Variants in TMEM135 observed in about 807,000 individuals in gnomAD.
The protein encoded by TMEM135 is peroxisomal membrane protein 52.
TMEM135 carries 30 observed loss-of-function variants against 60.3 expected under a neutral mutation model. The ratio of observed to expected loss-of-function variants is 0.50; its 90% CI spans 0.37 to 0.68. The LOEUF is 0.68. Among genes scored for constraint, TMEM135 ranks in the 30% least tolerant of loss-of-function variants. TMEM135 has a pLI of 0.00. For missense variants in TMEM135, 468 were observed against 548.8 expected (o/e 0.85, Z 1.47); for synonymous variants, 190 against 186.7 (o/e 1.02, Z -0.14).
intron 4 of TMEM135, among the ~76,000 whole-genome samples, chr11:87,152,140 C>T (rs997638558): frequency 1.3e-5 from 2 of 152,194 alleles, no homozygotes; most frequent in East Asian, 3.8e-4. Context: ...TCTTCTGACT[C>T]TTCAGAGAGT....
intron 5 of TMEM135, among the ~76,000 whole-genome samples, chr11:87,188,229 A>G (rs1358468340): frequency 6.6e-6 from 1 of 152,164 alleles, no homozygotes; most frequent in African/African-American, 2.4e-5. Context: ...TCAATCTCAT[A>G]CAGAGGGCTT....
rs564089430 is a variant in TMEM135, at chr11:87,325,125, A to G, written c.*3792A>G. 6.6e-6 allele frequency: 3 copies of G among 452,510 alleles called. No homozygotes were observed. The highest frequency in any genetic ancestry group is 4.7e-5 in the South Asian group (3 of 64,410). 28.0% of individuals were successfully genotyped at this position (452,510 alleles called of 1,614,324 possible). A position where few individuals can be genotyped will look rare whatever the true frequency, so the allele number is the denominator to read the frequency against. On this transcript the variant is annotated 3_prime_UTR_variant, in exon 15 of 15. Transcript: ENST00000305494. ...AAAGAAAGGAGTGTCAAGGACTGAG[A>G]TGACCCTCAGATTGGGGGGCTGTCT...
chr11:87,305,905 ATTAGT>A lies in TMEM135; in HGVS notation c.699-27_699-23del, dbSNP rs753482568. On this transcript the variant is annotated intron_variant, in intron 8 of 14. Transcript: ENST00000305494. ...CATGGATATACACACTTTAATTATA[ATTAGT>A]TTAATTTTTTTGGGTTCAATTTCAG... is the stretch of plus-strand genomic sequence containing the variant. 19 of 1,569,096 alleles carry A rather than the reference ATTAGT, an allele frequency of 1.2e-5. No individual in the cohort carries two copies. In the African/African-American group the frequency reaches 1.2e-4, roughly 10 times the overall value.
chr11:87,067,744 A>G lies in TMEM135; in HGVS notation c.192A>G (p.Leu64=), dbSNP rs1590992884. ...AATTAGACTATTATTTACACAAACT[A>G]CTCCCTGAGATCCTACAATCCGCTT... ...KRKLDYYLHK[L]LPEILQSASF... is the part of the protein sequence containing the mutation. The change falls in exon 2 of 15, where the codon CTA becomes CTG. Residue 64 remains leucine, a synonymous_variant. Transcript: ENST00000305494. 4.3e-6 allele frequency: 7 copies of G among 1,613,744 alleles called. No individual in the cohort carries two copies. The highest frequency in any genetic ancestry group is 5.9e-6 in the Non-Finnish European group (7 of 1,179,902).
Position 87,305,948 on chromosome 11 carries a change from A to T in TMEM135, c.711A>T (p.Gly237=). 1 of 1,604,424 alleles carries T rather than the reference A, an allele frequency of 6.2e-7. No homozygotes were observed. Among genetic ancestry groups the T allele is most frequent in the Non-Finnish European group, 8.5e-7 (1 of 1,174,528 alleles). The change falls in exon 9 of 15, where the codon GGA becomes GGT. Residue 237 remains glycine, a synonymous_variant. Transcript: ENST00000305494. ...RKFVDSICKH[G]PRHRCCKHYE... is the part of the protein sequence containing the mutation. ...GGTTCAATTTCAGATGCAAACATGG[A>T]CCAAGGCATAGATGTTGCAAACATT...
intron 14 of TMEM135, 22 bp from the exon 15 acceptor site, chr11:87,321,179 T>A (rs1195787108): frequency 3.8e-6 from 6 of 1,596,608 alleles, no homozygotes; most frequent in Non-Finnish European, 5.2e-6. Flanking sequence ...AATACTTGTT[T>A]ACTGTATTCT....
intron 1 of TMEM135, among the ~76,000 whole-genome samples, chr11:87,039,224 A>G (rs1393659520): frequency 6.6e-6 from 1 of 152,246 alleles, no homozygotes; most frequent in African/African-American, 2.4e-5. Flanking sequence ...TTTCAGAGAT[A>G]ACACAGGAGA....
At chr11:87,211,909 A>C (rs1410402184) in intron 5 of TMEM135, among the ~76,000 whole-genome samples, 1 of 152,066 alleles carries the variant, frequency 6.6e-6, no homozygotes, top group African/African-American at 2.4e-5. Context: ...ACGCCACGGC[A>C]TTCCAGCCTG....
rs367985910 is a variant in TMEM135 at position 87,185,913 on chromosome 11, C to CT, written c.462+28517dup. On this transcript the variant is annotated intron_variant, in intron 5 of 14. Transcript: ENST00000305494. ...GTTTCAATCTGTTGTAGTTATCCTTCTTTTTTTTTTGTGAGACAGAGGTTC... is the reference window on the plus strand; with the variant it reads ...GTTTCAATCTGTTGTAGTTATCCTTCTTTTTTTTTTTGTGAGACAGAGGTTC... Among the ~76,000 whole-genome samples the CT allele has an allele frequency of 7.9e-4, 110 of 138,866 alleles. 3 individuals are homozygous for CT. The highest frequency in any genetic ancestry group is 3.8e-3 in the Middle Eastern group (1 of 264). The allele number at this position is 138,866 out of a possible 152,430, so 91.1% of individuals were successfully genotyped here.
intron 6 of TMEM135, among the ~76,000 whole-genome samples, chr11:87,290,643 T>A (rs535506116): frequency 4.6e-5 from 7 of 152,346 alleles, no homozygotes; most frequent in Admixed American, 4.6e-4. Flanking sequence ...CTGATAATGA[T>A]AACATTGAGC....
At chr11:87,291,517 T>A (rs796744539) in intron 6 of TMEM135, among the ~76,000 whole-genome samples, 29 of 13,774 alleles carry the variant, frequency 2.1e-3, no homozygotes, top group African/African-American at 5.8e-3. Flanking sequence ...GCCAAGTGAT[T>A]TTTTTTTTTT....
At chr11:87,083,893 T>G (rs373247275) in intron 3 of TMEM135, among the ~76,000 whole-genome samples, 12 of 152,176 alleles carry the variant, frequency 7.9e-5, no homozygotes, top group African/African-American at 2.7e-4. Context: ...GCCATTACAA[T>G]GTTTAGGAAT....
chr11:87,183,049 G>A (rs1565477280), intron 5 of TMEM135, among the ~76,000 whole-genome samples: 1 of 151,234 alleles, frequency 6.6e-6, no homozygotes, highest in Non-Finnish European at 1.5e-5. Context: ...GAAAGCTATT[G>A]ATTGAAGCTG....
At position 87,326,089 on chromosome 11, in the gene TMEM135, T is replaced by G. The variant is rs1177697343; in HGVS notation, c.*4756T>G. On this transcript the variant is annotated 3_prime_UTR_variant, in exon 15 of 15. Transcript: ENST00000305494. ...AACTACTATAGCTTGCCTGTTCAGT[T>G]TTTTTTTTTTTTAATATTCAGTTTT... 1.8e-5 allele frequency: 8 copies of G among 449,418 alleles called. No homozygotes were observed. The East Asian group carries it at 5.6e-4, about 31-fold the overall frequency. 27.8% of individuals were successfully genotyped at this position (449,418 alleles called of 1,614,324 possible).
At chr11:87,090,432 T>A (rs1857182230) in intron 3 of TMEM135, among the ~76,000 whole-genome samples, 1 of 152,106 alleles carries the variant, frequency 6.6e-6, no homozygotes, top group African/African-American at 2.4e-5. Context: ...TGTGTATGAA[T>A]CGGGCATCAA....
intron 1 of TMEM135, among the ~76,000 whole-genome samples, chr11:87,061,659 C>A (rs1379400475): frequency 1.3e-5 from 2 of 152,194 alleles, no homozygotes; most frequent in African/African-American, 2.4e-5. Context: ...AGGCTAAGAT[C>A]ATGGGTCTTT....
At chr11:87,271,211 A>T (rs935764692) in intron 6 of TMEM135, among the ~76,000 whole-genome samples, 5 of 152,208 alleles carry the variant, frequency 3.3e-5, no homozygotes, top group Non-Finnish European at 5.9e-5. Context: ...ATCTGTAATC[A>T]TTGTCTTACT....
rs147168193 is a variant in TMEM135, at chr11:87,053,593, CTTACA to C, written c.142-14095_142-14091del. On this transcript the variant is annotated intron_variant, in intron 1 of 14. Coordinates refer to ENST00000305494, the MANE Select transcript of TMEM135 (RefSeq NM_022918.4). ...TCTTTTTAAAATGTCAGTACAATTT[CTTACA>C]TTACAGTTACTTCCCTTACTTTTAT... is the stretch of plus-strand genomic sequence containing the variant. 2.0e-3 allele frequency among the ~76,000 whole-genome samples: 308 copies of C among 151,630 alleles called. 5 individuals carry two copies. The highest frequency in any genetic ancestry group is 7.0e-3 in the African/African-American group (287 of 41,112).
At position 87,096,004 on chromosome 11, in the gene TMEM135, C is replaced by G. The variant is rs549633458; in HGVS notation, c.396+4609C>G. ...AAAAAAAAAAAAAGCCGTTGGTAAT[C>G]TGCAATTTGGGATACTTTCTTGTGT... On this transcript the variant is annotated intron_variant, in intron 4 of 14. Transcript: ENST00000305494. 9.9e-4 allele frequency: 206 copies of G among 207,076 alleles called. 1 individual carries two copies. The highest frequency in any genetic ancestry group is 4.5e-3 in the African/African-American group (188 of 41,954). The allele number at this position is 207,076 out of a possible 1,614,324, so 12.8% of individuals were successfully genotyped here.
Sources: gnomAD v4.1 joint callset for allele counts (sites outside exome capture counted in the v4.1 genomes callset) on GRCh38, gnomAD v4.1.1 for gene constraint, MANE v1.5 for transcripts, NCBI Gene and HGNC (gene_info 2026-07-23, HGNC 2026-07-21) for gene names.